The following DOCK4 variants were observed in gnomAD, a reference collection of about 807,000 sequenced individuals.
DOCK4 encodes the protein dedicator of cytokinesis 4.
DOCK4 carries 97 observed loss-of-function variants against 268.1 expected under a neutral mutation model. That is an observed-to-expected ratio of 0.36 (90% CI 0.31 to 0.43). The LOEUF (loss-of-function observed/expected upper bound fraction) is 0.43, where lower values mean the gene tolerates loss of function less well. Ranked by LOEUF, DOCK4 falls within the 20% of genes least tolerant of loss-of-function variation. DOCK4 has a pLI of 1.00. For synonymous variants in DOCK4, 954 were observed against 887.2 expected (o/e 1.08, Z -1.34); for missense variants, 2,145 against 2,455.7 (o/e 0.87, Z 2.67).
At chr7:111,986,249 A>C (rs1799045361) in intron 6 of DOCK4, among the ~76,000 whole-genome samples, 2 of 152,198 alleles carry the variant, frequency 1.3e-5, no homozygotes, top group Admixed American at 1.3e-4. Flanking sequence ...GACATCAGTC[A>C]CATGCAGGAG....
chr7:112,150,202 C>T (rs1815925771), intron 1 of DOCK4, among the ~76,000 whole-genome samples: 1 of 152,052 alleles, frequency 6.6e-6, no homozygotes, highest in African/African-American at 2.4e-5. Flanking sequence ...TTCTAAGACC[C>T]CAACTCTACC....
At chr7:111,919,414 G>A (rs568390249) in intron 12 of DOCK4, among the ~76,000 whole-genome samples, 4 of 152,128 alleles carry the variant, frequency 2.6e-5, no homozygotes, top group South Asian at 2.1e-4. Context: ...GAGAGGAGTC[G>A]GTCAGTGGAG....
chr7:111,922,804 A>G (rs1374743301), intron 12 of DOCK4, among the ~76,000 whole-genome samples: 1 of 151,930 alleles, frequency 6.6e-6, no homozygotes, highest in East Asian at 1.9e-4. Flanking sequence ...TATGGTCTCG[A>G]TCTCCTGACC....
At chr7:111,888,393 A>G (rs1808020151) in intron 16 of DOCK4, among the ~76,000 whole-genome samples, 1 of 151,844 alleles carries the variant, frequency 6.6e-6, no homozygotes, top group African/African-American at 2.4e-5. Flanking sequence ...CTAGTGGAGG[A>G]GAAAAAGACT....
chr7:111,901,533 G>A, intron 14 of DOCK4, 144 bp downstream of exon 14: 1 of 784,286 alleles, frequency 1.3e-6, no homozygotes, highest in Non-Finnish European at 1.9e-6. Flanking sequence ...AACTACACAG[G>A]GGTGAAGGAG....
At chr7:111,846,933 C>G in intron 24 of DOCK4, 66 bp downstream of exon 24, 1 of 1,532,486 alleles carries the variant, frequency 6.5e-7, no homozygotes. Flanking sequence ...TCTTTGTAGA[C>G]TATTACAAGT....
At chr7:112,143,813 T>A (rs1438215164) in intron 1 of DOCK4, among the ~76,000 whole-genome samples, 8 of 152,252 alleles carry the variant, frequency 5.3e-5, no homozygotes, top group Non-Finnish European at 7.4e-5. Flanking sequence ...CTGAACCACA[T>A]CATTCATCTC....
chr7:112,117,538 T>C (rs1812292924), intron 1 of DOCK4, among the ~76,000 whole-genome samples: 2 of 152,076 alleles, frequency 1.3e-5, no homozygotes. Context: ...GCCTGGCTAA[T>C]TTTTGTATTT....
chr7:111,826,971 A>G (rs1802447645), intron 26 of DOCK4, among the ~76,000 whole-genome samples: 1 of 152,214 alleles, frequency 6.6e-6, no homozygotes. Context: ...CAGAGAAATG[A>G]ATCCTGAGTT....
rs560721701 is a variant in DOCK4 at position 111,936,532 on chromosome 7, G to A, written c.978-904C>T. Among the ~76,000 whole-genome samples, 26 of 151,918 alleles carry A rather than the reference G, an allele frequency of 1.7e-4. 1 individual carries two copies. Among genetic ancestry groups the A allele is most frequent in the Admixed American group, 1.3e-3 (20 of 15,254 alleles). Reference sequence around the variant, plus strand: ...TGGATGGATGGATGGATGGATGGACGGATGGATGGATGTCCCTCTGCCTGG... The same window carrying A: ...TGGATGGATGGATGGATGGATGGACAGATGGATGGATGTCCCTCTGCCTGG... On this transcript the variant is annotated intron_variant, in intron 11 of 52. Transcript: ENST00000428084.
intron 42 of DOCK4, among the ~76,000 whole-genome samples, chr7:111,747,814 C>T (rs1404660285): frequency 6.6e-6 from 1 of 151,888 alleles, no homozygotes; most frequent in Non-Finnish European, 1.5e-5. Flanking sequence ...TATCCCCTTT[C>T]TCATGCTTAT....
chr7:112,190,564 C>A (rs1210243297), intron 1 of DOCK4, among the ~76,000 whole-genome samples: 2 of 151,418 alleles, frequency 1.3e-5, no homozygotes, highest in Non-Finnish European at 2.9e-5. Flanking sequence ...TGGAGGACAG[C>A]GTATGAGAGA....
At chr7:112,081,878 A>G (rs1201159625) in intron 1 of DOCK4, among the ~76,000 whole-genome samples, 1 of 152,180 alleles carries the variant, frequency 6.6e-6, no homozygotes, top group Non-Finnish European at 1.5e-5. Flanking sequence ...GGAAGATCAC[A>G]GAGTAATGCG....
In DOCK4 at chr7:112,137,367, G is replaced by C. The variant is rs183720122; in HGVS notation, c.37+68735C>G. 3.3e-5 allele frequency among the ~76,000 whole-genome samples: 5 copies of C among 152,298 alleles called. No homozygotes were observed. The East Asian group carries it at 9.7e-4, about 29-fold the overall frequency. ...CTGCTATGCGTCAAGGCCTCTGTCAGAGGAGGTTACATTTCTCCACAGCTT... is the reference window on the plus strand; with the variant it reads ...CTGCTATGCGTCAAGGCCTCTGTCACAGGAGGTTACATTTCTCCACAGCTT... On this transcript the variant is annotated intron_variant, in intron 1 of 52. Coordinates refer to ENST00000428084, the MANE Select transcript of DOCK4 (RefSeq NM_001363540.2).
rs1586145399 is a variant in DOCK4 at position 111,840,971 on chromosome 7, A to G, written c.2736+3792T>C. ...GCATATTTCTCGCCATAGAATTATT[A>G]TAACAACAACAATACCTGAAGCACG... On this transcript the variant is annotated intron_variant, in intron 25 of 52. Coordinates refer to ENST00000428084, the MANE Select transcript of DOCK4 (RefSeq NM_001363540.2). The G allele has an allele frequency of 1.3e-5, 7 of 541,510 alleles. No individual in the cohort carries two copies. In the East Asian group the frequency reaches 2.7e-4, roughly 21 times the overall value. The allele number at this position is 541,510 out of a possible 1,614,324, so 33.5% of individuals were successfully genotyped here.
intron 12 of DOCK4, among the ~76,000 whole-genome samples, chr7:111,933,247 TAC>T (rs1562905111): frequency 4.9e-5 from 6 of 121,724 alleles, no homozygotes; most frequent in African/African-American, 2.1e-4. Context: ...TACGTATATA[TAC>T]ATATATACTT....
chr7:112,205,863 C>G (rs757220015), intron 1 of DOCK4, among the ~76,000 whole-genome samples: 6 of 152,202 alleles, frequency 3.9e-5, no homozygotes, highest in Admixed American at 6.5e-5. Context: ...GCGCGCTCCC[C>G]CAAGCTGTCC....
chr7:111,980,041 A>C (rs1041317043), intron 7 of DOCK4, among the ~76,000 whole-genome samples: 2 of 152,216 alleles, frequency 1.3e-5, no homozygotes, highest in Non-Finnish European at 2.9e-5. Flanking sequence ...ACTGATCAGG[A>C]TCATGTGCAG....
At chr7:111,998,272 G>C (rs1800128266) in intron 4 of DOCK4, among the ~76,000 whole-genome samples, 176 bp downstream of exon 4, 1 of 152,104 alleles carries the variant, frequency 6.6e-6, no homozygotes, top group Admixed American at 6.6e-5. Context: ...CACAGATGGG[G>C]TTCTTTAATT....
Sources: allele counts gnomAD v4.1 joint callset (sites outside exome capture counted in the v4.1 genomes callset), GRCh38; gene constraint gnomAD v4.1.1; transcripts MANE v1.5; gene names NCBI Gene and HGNC (gene_info 2026-07-23, HGNC 2026-07-21).